UGT1A7: variants seen among roughly 807,000 people sequenced by gnomAD.
The protein encoded by UGT1A7 is UDP glucuronosyltransferase family 1 member A7.
In UGT1A7, 33 loss-of-function variants were observed where a neutral mutation model predicts 45.6. The observed-to-expected ratio is 0.72, with a 90% CI of 0.55 to 0.97. The LOEUF is 0.97. Ranked by LOEUF, UGT1A7 falls within the 50% of genes least tolerant of loss-of-function variation. UGT1A7 has a pLI of 0.00. For missense variants in UGT1A7, 684 were observed against 666.2 expected (o/e 1.03, Z -0.29); for synonymous variants, 274 against 250.6 (o/e 1.09, Z -0.88).
intron 1 of UGT1A7, chr2:233,755,875 T>A (rs1402547099): frequency 2.6e-5 from 4 of 152,198 alleles, no homozygotes; most frequent in Non-Finnish European, 5.9e-5. Flanking sequence ...CTAACAAACC[T>A]TTTTATGTAA....
At chr2:233,759,130 A>T (rs1697062304) in intron 1 of UGT1A7, among the ~76,000 whole-genome samples, 1 of 152,244 alleles carries the variant, frequency 6.6e-6, no homozygotes, top group Non-Finnish European at 1.5e-5. Flanking sequence ...AGCCTCTGGT[A>T]CGCAATGAAG....
chr2:233,755,081 A>G (rs749990272), intron 1 of UGT1A7: 10 of 1,336,302 alleles, frequency 7.5e-6, no homozygotes, highest in Non-Finnish European at 6.0e-6. Flanking sequence ...GGTCATAGAT[A>G]TCGCGTTTCT....
chr2:233,767,119 A>C lies in UGT1A7; in HGVS notation c.941A>C (p.Lys314Thr). 6.2e-7 allele frequency: 1 copy of C among 1,614,168 alleles called. No individual in the cohort carries two copies. Among genetic ancestry groups the C allele is most frequent in the Non-Finnish European group, 8.5e-7 (1 of 1,180,014 alleles). The change falls in exon 2 of 5, where the codon AAG (lysine) becomes ACG (threonine). Residue 314 changes from lysine (K) to threonine (T), a missense_variant. Physicochemically the swap from Lys to Thr is moderately conservative, Grantham distance 78. Coordinates refer to ENST00000373426, the MANE Select transcript of UGT1A7 (RefSeq NM_019077.3). ...TCAATGGTCTCAGAAATTCCAGAGA[A>C]GAAAGCTATGGCAATTGCTGATGCT... ...LGSMVSEIPE[K>T]KAMAIADALG...
Position 233,693,162 on chromosome 2 carries a change from GT to G in UGT1A7, c.855+10371del, listed in dbSNP as rs1559345986. The G allele has an allele frequency of 1.5e-5, 24 of 1,614,206 alleles. No individual in the cohort carries two copies. In the Middle Eastern group the frequency reaches 2.8e-3, roughly 189 times the overall value. On this transcript the variant is annotated intron_variant, in intron 1 of 4. Coordinates refer to ENST00000373426, the MANE Select transcript of UGT1A7 (RefSeq NM_019077.3). ...ATAGTTGAGGTTCTCAGTGACCGGGGTCATGAGATTGTAGTGGTGGTGCCTG... is the reference window on the plus strand; with the variant it reads ...ATAGTTGAGGTTCTCAGTGACCGGGGCATGAGATTGTAGTGGTGGTGCCTG...
chr2:233,738,951 T>G (rs1690944687), intron 1 of UGT1A7: 1 of 152,230 alleles, frequency 6.6e-6, no homozygotes, highest in Non-Finnish European at 1.5e-5. Context: ...TGTTTTAGGC[T>G]GGGTCCAGGC....
chr2:233,732,311 T>A (rs1163118726), intron 1 of UGT1A7, among the ~76,000 whole-genome samples: 3 of 152,222 alleles, frequency 2.0e-5, no homozygotes, highest in Admixed American at 6.5e-5. Flanking sequence ...CCCATTTGTC[T>A]ATTTTGGCTT....
intron 4 of UGT1A7, chr2:233,771,063 C>A (rs913473960): frequency 6.6e-6 from 1 of 152,106 alleles, no homozygotes; most frequent in Non-Finnish European, 1.5e-5. Context: ...ATGACCGGCT[C>A]TCACAATAAC....
intron 1 of UGT1A7, among the ~76,000 whole-genome samples, chr2:233,757,354 A>G (rs1200250892): frequency 1.3e-5 from 2 of 150,876 alleles, no homozygotes; most frequent in Non-Finnish European, 2.9e-5. Flanking sequence ...GGTCTGAGAG[A>G]CAGTGGTAGA....
rs140613392 is a variant in UGT1A7 at position 233,768,343 on chromosome 2, G to A, written c.1199G>A (p.Arg400His). 68 of 1,614,170 alleles carry A rather than the reference G, an allele frequency of 4.2e-5. No homozygotes were observed. The highest frequency in any genetic ancestry group is 3.7e-4 in the African/African-American group (28 of 75,042). ...GGTGATCAGATGGACAATGCAAAGC[G>A]CATGGAGACTAAGGGAGCTGGAGTG... ...LFGDQMDNAK[R>H]METKGAGVTL... Residue 400 changes from arginine (R) to histidine (H), a missense_variant, in exon 4 of 5, where the codon CGC (arginine) becomes CAC (histidine). By Grantham distance (29) the Arg-to-His change is conservative. Coordinates refer to ENST00000373426, the MANE Select transcript of UGT1A7 (RefSeq NM_019077.3).
Position 233,772,709 on chromosome 2 carries a change from TAAATAA to T in UGT1A7, c.*157_*162del. ...CCCAGAGTGCTTTAAAAAATTCTCT[TAAATAA>T]AAATAATAGACTCGCTAGTCAGTAA... On this transcript the variant is annotated 3_prime_UTR_variant, in exon 5 of 5. Coordinates refer to ENST00000373426, the MANE Select transcript of UGT1A7 (RefSeq NM_019077.3). 1 of 1,467,584 alleles carries T rather than the reference TAAATAA, an allele frequency of 6.8e-7. No individual in the cohort carries two copies. Among genetic ancestry groups the T allele is most frequent in the Non-Finnish European group, 9.0e-7 (1 of 1,115,204 alleles). 90.9% of individuals were successfully genotyped at this position (1,467,584 alleles called of 1,614,324 possible).
intron 4 of UGT1A7, among the ~76,000 whole-genome samples, chr2:233,768,657 G>A (rs1265555530): frequency 7.1e-6 from 1 of 141,016 alleles, no homozygotes; most frequent in East Asian, 2.1e-4. Context: ...TGCAATCTTG[G>A]CTTACTGCAA....
At chr2:233,729,752 A>G in intron 1 of UGT1A7, 1 of 1,614,000 alleles carries the variant, frequency 6.2e-7, no homozygotes, top group African/African-American at 1.3e-5. Context: ...ACATTCATGC[A>G]AAGGGTCAAG....
chr2:233,761,269 T>C, intron 1 of UGT1A7: 1 of 1,591,986 alleles, frequency 6.3e-7, no homozygotes, highest in Non-Finnish European at 8.6e-7. Context: ...TAAAATGCCC[T>C]CTTTTGTTAA....
chr2:233,753,934 C>A (rs115652249), intron 1 of UGT1A7, among the ~76,000 whole-genome samples: 1,716 of 152,270 alleles, frequency 0.011, 38 homozygotes, highest in African/African-American at 0.04. Context: ...ATATGGGATT[C>A]AAATGTATGA....
chr2:233,683,335 T>C (rs775129300), intron 1 of UGT1A7, among the ~76,000 whole-genome samples: 3 of 152,166 alleles, frequency 2.0e-5, no homozygotes, highest in Non-Finnish European at 2.9e-5. Flanking sequence ...TTTTAATAAT[T>C]GCATGGTAGT....
chr2:233,760,594 G>T, intron 1 of UGT1A7: 1 of 1,614,198 alleles, frequency 6.2e-7, no homozygotes, highest in Non-Finnish European at 8.5e-7. Context: ...TTTTGAGAAT[G>T]ATTCTTTCCT....
At chr2:233,704,805 T>C (rs1020612580) in intron 1 of UGT1A7, among the ~76,000 whole-genome samples, 12 of 152,136 alleles carry the variant, frequency 7.9e-5, no homozygotes, top group African/African-American at 2.2e-4. Flanking sequence ...ATTATATATA[T>C]GTATATTGCT....
chr2:233,714,705 C>T (rs577508309), intron 1 of UGT1A7, among the ~76,000 whole-genome samples: 2 of 152,262 alleles, frequency 1.3e-5, no homozygotes, highest in South Asian at 2.1e-4. Context: ...AACTGTTTAA[C>T]GTAGCTTTTT....
chr2:233,772,026 TG>T lies in UGT1A7; in HGVS notation c.1296-234del, dbSNP rs35071442. On this transcript the variant is annotated intron_variant, in intron 4 of 4. Transcript: ENST00000373426. Reference sequence around the variant, plus strand: ...TACTCTGGAGGCTGAGGCAGGAGGATGGCTTGAGCCCAGGAGTTGGAGGCTG... The same window carrying T: ...TACTCTGGAGGCTGAGGCAGGAGGATGCTTGAGCCCAGGAGTTGGAGGCTG... 2.7e-3 allele frequency among the ~76,000 whole-genome samples: 414 copies of T among 152,300 alleles called. 2 individuals carry two copies. Among genetic ancestry groups the T allele is most frequent in the African/African-American group, 9.1e-3 (379 of 41,546 alleles).
Sources: gnomAD v4.1 joint callset for allele counts (sites outside exome capture counted in the v4.1 genomes callset) on GRCh38, gnomAD v4.1.1 for gene constraint, MANE v1.5 for transcripts, NCBI Gene and HGNC (gene_info 2026-07-23, HGNC 2026-07-21) for gene names.